EXOC2: variants seen among roughly 807,000 people sequenced by gnomAD.
EXOC2 encodes the protein SEC5-like 1.
EXOC2 carries 70 observed loss-of-function variants against 131.8 expected under a neutral mutation model. The ratio of observed to expected loss-of-function variants is 0.53; its 90% CI spans 0.44 to 0.65. The LOEUF (loss-of-function observed/expected upper bound fraction) is 0.65, where lower values mean the gene tolerates loss of function less well. Ranked by LOEUF, EXOC2 falls within the 30% of genes least tolerant of loss-of-function variation. The pLI, the probability that EXOC2 is intolerant of heterozygous loss-of-function variation, is 0.00. For missense variants in EXOC2, 923 were observed against 1,108.6 expected, an observed-to-expected ratio of 0.83 and a Z score of 2.38; for synonymous variants, 411 against 398.4, an observed-to-expected ratio of 1.03 and a Z score of -0.38.
chr6:529,404 C>T (rs543323363), intron 23 of EXOC2, among the ~76,000 whole-genome samples: 1 of 151,524 alleles, frequency 6.6e-6, no homozygotes, highest in African/African-American at 2.4e-5. Context: ...AGAGGGCTGG[C>T]AAAGAAAAGT....
chr6:630,172 C>A (rs1761773571), intron 3 of EXOC2, among the ~76,000 whole-genome samples: 1 of 152,172 alleles, frequency 6.6e-6, no homozygotes, highest in Non-Finnish European at 1.5e-5. Context: ...GCAAAAATTA[C>A]ACCTCTCAGC....
chr6:615,194 T>G (rs1032284111), intron 6 of EXOC2, among the ~76,000 whole-genome samples: 43 of 151,664 alleles, frequency 2.8e-4, no homozygotes, highest in Admixed American at 1.7e-3. Flanking sequence ...TGTGTGTGTG[T>G]GTGTGTGTGT....
chr6:564,018 T>A lies in EXOC2; in HGVS notation c.1789+15A>T. ...ATCATTGCACAGTGAACGTCACCGA[T>A]TTATCAAAACACACCTTCCGCCGTG... On this transcript the variant is annotated intron_variant, in intron 16 of 27. Coordinates refer to ENST00000230449, the MANE Select transcript of EXOC2 (RefSeq NM_018303.6). The A allele has an allele frequency of 6.2e-7, 1 of 1,612,380 alleles. No homozygotes were observed. The highest frequency in any genetic ancestry group is 1.1e-5 in the South Asian group (1 of 90,738).
intron 25 of EXOC2, among the ~76,000 whole-genome samples, chr6:495,291 AATTTTTTGT>A: frequency 6.7e-6 from 1 of 149,386 alleles, no homozygotes; most frequent in South Asian, 2.1e-4. Flanking sequence ...GCGCCCGGCT[AATTTTTTGT>A]ATTTTTAGTA....
intron 1 of EXOC2, among the ~76,000 whole-genome samples, chr6:638,254 A>G (rs961195528): frequency 1.5e-4 from 23 of 152,362 alleles, no homozygotes; most frequent in Non-Finnish European, 3.2e-4. Context: ...ATACTCATAA[A>G]AATAAAAACA....
intron 3 of EXOC2, among the ~76,000 whole-genome samples, chr6:630,904 G>A (rs1454516981): frequency 6.6e-6 from 1 of 152,238 alleles, no homozygotes; most frequent in Non-Finnish European, 1.5e-5. Flanking sequence ...AACTGACTGG[G>A]TGTGGACCCT....
chr6:488,076 T>C (rs181943723), intron 27 of EXOC2, among the ~76,000 whole-genome samples: 17 of 152,370 alleles, frequency 1.1e-4, no homozygotes, highest in Admixed American at 9.8e-4. Context: ...GTGCAGGCAC[T>C]GTCTGCACAG....
chr6:686,428 T>G (rs1463434463), intron 1 of EXOC2, among the ~76,000 whole-genome samples: 1 of 152,214 alleles, frequency 6.6e-6, no homozygotes, highest in African/African-American at 2.4e-5. Context: ...GACACTTGAT[T>G]TTTATTTATT....
At chr6:559,824 T>A (rs1012485378) in intron 17 of EXOC2, among the ~76,000 whole-genome samples, 1 of 152,182 alleles carries the variant, frequency 6.6e-6, no homozygotes, top group Non-Finnish European at 1.5e-5. Context: ...CCAATCCCTG[T>A]TTTATGGCTC....
intron 1 of EXOC2, among the ~76,000 whole-genome samples, chr6:663,884 A>G (rs1478360799): frequency 6.6e-6 from 1 of 152,226 alleles, no homozygotes; most frequent in Non-Finnish European, 1.5e-5. Context: ...GAACAAGACA[A>G]GGATGCCCAC....
chr6:491,315 C>G (rs974080174), intron 25 of EXOC2, 129 bp from the exon 26 acceptor site: 2 of 831,930 alleles, frequency 2.4e-6, no homozygotes, highest in Admixed American at 4.4e-5. Flanking sequence ...CCATGGTGAC[C>G]GCCAGTCATG....
At chr6:559,459 T>C (rs571969160) in intron 17 of EXOC2, among the ~76,000 whole-genome samples, 29 of 152,286 alleles carry the variant, frequency 1.9e-4, no homozygotes, top group Admixed American at 1.4e-3. Flanking sequence ...TCTATCGTGG[T>C]AGGACACTTC....
At chr6:650,932 T>C (rs901729628) in intron 1 of EXOC2, among the ~76,000 whole-genome samples, 1 of 152,200 alleles carries the variant, frequency 6.6e-6, no homozygotes, top group African/African-American at 2.4e-5. Flanking sequence ...GGAAAAAATT[T>C]GGAAGAGATG....
chr6:593,438 A>G (rs1759652414), intron 10 of EXOC2, among the ~76,000 whole-genome samples: 1 of 152,226 alleles, frequency 6.6e-6, no homozygotes, highest in South Asian at 2.1e-4. Context: ...GACTGAGAAA[A>G]TATTTCTCTA....
intron 23 of EXOC2, among the ~76,000 whole-genome samples, chr6:503,698 A>C (rs971003161): frequency 6.6e-5 from 10 of 152,196 alleles, no homozygotes; most frequent in Non-Finnish European, 1.3e-4. Flanking sequence ...GGATAGGAAC[A>C]GAGGAAGGGC....
intron 1 of EXOC2, among the ~76,000 whole-genome samples, chr6:686,602 A>C (rs1027788950): frequency 6.6e-6 from 1 of 152,202 alleles, no homozygotes; most frequent in African/African-American, 2.4e-5. Context: ...CCCATAAAAG[A>C]GATCTGTTAT....
At chr6:495,338 A>G (rs1017005065) in intron 25 of EXOC2, among the ~76,000 whole-genome samples, 7 of 150,906 alleles carry the variant, frequency 4.6e-5, no homozygotes, top group Admixed American at 4.6e-4. Context: ...GTTAGCCAGG[A>G]TGGTCTCGAT....
At position 497,866 on chromosome 6, in the gene EXOC2, AT is replaced by A. The variant is rs1763833297; in HGVS notation, c.2437-378del. On this transcript the variant is annotated intron_variant, in intron 24 of 27. Coordinates refer to ENST00000230449, the MANE Select transcript of EXOC2 (RefSeq NM_018303.6). The stretch of plus-strand genomic sequence containing the variant: ...CAATATTTTACCACAATTTAAAAAA[AT>A]ATTGTGTCAGACTCTCCTTAAACTC... Among the ~76,000 whole-genome samples, 6 of 152,346 alleles carry A rather than the reference AT, an allele frequency of 3.9e-5. No homozygotes were observed. The South Asian group carries it at 1.2e-3, about 32-fold the overall frequency.
chr6:507,321 AG>A (rs1217596189), intron 23 of EXOC2, among the ~76,000 whole-genome samples: 1 of 71,440 alleles, frequency 1.4e-5, no homozygotes, highest in Non-Finnish European at 3.1e-5. Context: ...ACACACACAA[AG>A]AAGTGACCCC....
Sources: gnomAD v4.1 joint callset for allele counts (sites outside exome capture counted in the v4.1 genomes callset) on GRCh38, gnomAD v4.1.1 for gene constraint, MANE v1.5 for transcripts, NCBI Gene and HGNC (gene_info 2026-07-23, HGNC 2026-07-21) for gene names.